The following NAALADL2 variants were observed in gnomAD, a reference collection of about 807,000 sequenced individuals.
The protein encoded by NAALADL2 is inactive N-acetylated-alpha-linked acidic dipeptidase-like protein 2.
A neutral mutation model predicts 87.2 loss-of-function variants in NAALADL2; 76 were observed. The observed-to-expected ratio is 0.87, with a 90% CI of 0.72 to 1.05. The LOEUF is 1.05. NAALADL2 is among the 50% of genes least tolerant of loss of function. The pLI, the probability that NAALADL2 is intolerant of heterozygous loss-of-function variation, is 0.00. For missense variants in NAALADL2, 1,089 were observed against 945.8 expected, an observed-to-expected ratio of 1.15 and a Z score of -1.99; for synonymous variants, 354 against 331.0, an observed-to-expected ratio of 1.07 and a Z score of -0.75.
chr3:175,475,814 C>T (rs979271106), intron 9 of NAALADL2, among the ~76,000 whole-genome samples: 3 of 152,090 alleles, frequency 2.0e-5, no homozygotes, highest in African/African-American at 7.2e-5. Flanking sequence ...AACACCTGAG[C>T]TAAAGCAATC....
intron 12 of NAALADL2, among the ~76,000 whole-genome samples, chr3:175,749,167 G>T (rs1298410527): frequency 9.2e-6 from 1 of 108,910 alleles, no homozygotes; most frequent in South Asian, 4.1e-4. Context: ...GAGGGGAAGG[G>T]AGGGGAGGAG....
intron 2 of NAALADL2, among the ~76,000 whole-genome samples, chr3:175,128,925 A>T (rs1257521845): frequency 1.3e-5 from 2 of 151,072 alleles, no homozygotes; most frequent in African/African-American, 4.9e-5. Context: ...CTAGTTACCA[A>T]TTTTTTTTTG....
intron 3 of NAALADL2, among the ~76,000 whole-genome samples, chr3:174,797,305 C>CTTTCTTTTTTTTT: frequency 1.4e-5 from 1 of 72,722 alleles, no homozygotes; most frequent in Admixed American, 1.6e-4. Flanking sequence ...TTTCTTTTTT[C>CTTTCTTTTTTTTT]TTTTTTTTTT....
intron 13 of NAALADL2, among the ~76,000 whole-genome samples, chr3:175,763,083 CAAAT>C (rs34773320): frequency 3.1e-4 from 46 of 148,816 alleles, no homozygotes; most frequent in East Asian, 3.9e-4. Flanking sequence ...GACTCTGACT[CAAAT>C]AAATAAATAA....
chr3:174,501,777 CT>C (rs1469151449), intron 1 of NAALADL2, among the ~76,000 whole-genome samples: 1 of 151,750 alleles, frequency 6.6e-6, no homozygotes, highest in African/African-American at 2.4e-5. Context: ...TAATTTATAT[CT>C]TTTTTCTTTT....
upstream of NAALADL2, among the ~76,000 whole-genome samples, chr3:174,856,449 T>G (rs762829180): frequency 3.9e-5 from 6 of 152,176 alleles, no homozygotes; most frequent in Non-Finnish European, 7.3e-5. Context: ...TGCATCATTC[T>G]GAGTGACTTG....
intron 1 of NAALADL2, among the ~76,000 whole-genome samples, chr3:174,896,330 C>G (rs371701086): frequency 3.3e-5 from 5 of 151,962 alleles, no homozygotes; most frequent in African/African-American, 7.2e-5. Context: ...AAAATTCATT[C>G]AAGTTGCAGG....
intron 10 of NAALADL2, among the ~76,000 whole-genome samples, chr3:175,588,534 CTTTTTTT>C (rs1168817019): frequency 1.3e-4 from 10 of 78,142 alleles, no homozygotes; most frequent in African/African-American, 4.1e-4. Flanking sequence ...TCTTTCTTTT[CTTTTTTT>C]TTTTTTTTTT....
In NAALADL2 at chr3:174,904,636, GCTTTCC is replaced by G. The variant is rs1471569493; in HGVS notation, c.43+45189_43+45194del. ...ACTTAAGTGGGAGAAAATTTTGCAT[GCTTTCC>G]CTGCTAGAGACCAGAAAACATAAGT... On this transcript the variant is annotated intron_variant, in intron 1 of 13. Transcript: ENST00000454872. Among the ~76,000 whole-genome samples, 7 of 151,934 alleles carry G rather than the reference GCTTTCC, an allele frequency of 4.6e-5. No individual in the cohort carries two copies. In the East Asian group the frequency reaches 1.4e-3, roughly 29 times the overall value.
At chr3:174,449,106 A>T (rs1331592732) in intron 1 of NAALADL2, among the ~76,000 whole-genome samples, 2 of 152,186 alleles carry the variant, frequency 1.3e-5, no homozygotes, top group African/African-American at 4.8e-5. Flanking sequence ...ATTATCAAGA[A>T]CTTTGATAAT....
intron 1 of NAALADL2, among the ~76,000 whole-genome samples, chr3:174,541,420 A>C (rs1457190924): frequency 6.6e-6 from 1 of 152,216 alleles, no homozygotes; most frequent in Non-Finnish European, 1.5e-5. Flanking sequence ...CTAAAAGCAC[A>C]GGTGTCAGAA....
chr3:175,762,556 C>T (rs1203748394), intron 13 of NAALADL2, among the ~76,000 whole-genome samples: 1 of 152,110 alleles, frequency 6.6e-6, no homozygotes. Flanking sequence ...ATAATGTTCT[C>T]ATTTCCAAAG....
At chr3:175,215,061 A>G (rs1033245922) in intron 2 of NAALADL2, among the ~76,000 whole-genome samples, 3 of 152,060 alleles carry the variant, frequency 2.0e-5, no homozygotes, top group African/African-American at 4.8e-5. Flanking sequence ...TTTTTTCCCA[A>G]ATGAAGTTAC....
chr3:175,038,881 G>A (rs547476556), intron 1 of NAALADL2, among the ~76,000 whole-genome samples: 39 of 152,000 alleles, frequency 2.6e-4, no homozygotes, highest in African/African-American at 8.2e-4. Flanking sequence ...TTAATATTGC[G>A]TTGGGACCAG....
At chr3:175,233,814 T>C in intron 2 of NAALADL2, 117 bp from the exon 3 acceptor site, 1 of 641,214 alleles carries the variant, frequency 1.6e-6, no homozygotes, top group Non-Finnish European at 2.7e-6. Flanking sequence ...TCCTGTCTCA[T>C]TCATCTTTCA....
At chr3:175,676,205 G>T (rs1307475030) in intron 11 of NAALADL2, 1 of 152,086 alleles carries the variant, frequency 6.6e-6, no homozygotes, top group Non-Finnish European at 1.5e-5. Context: ...GTGGTCTCTT[G>T]CAAGCACTAC....
At chr3:174,770,592 G>A (rs1234415699) in intron 3 of NAALADL2, among the ~76,000 whole-genome samples, 4 of 152,144 alleles carry the variant, frequency 2.6e-5, no homozygotes, top group Non-Finnish European at 5.9e-5. Flanking sequence ...TGTAATCCCA[G>A]CACTTTGGGA....
chr3:175,223,157 A>C (rs1472703178), intron 2 of NAALADL2, among the ~76,000 whole-genome samples: 1 of 150,526 alleles, frequency 6.6e-6, no homozygotes, highest in Non-Finnish European at 1.5e-5. Flanking sequence ...CTCTTACCAA[A>C]TTTCAAGTAA....
chr3:175,226,846 G>T (rs1418815141), intron 2 of NAALADL2, among the ~76,000 whole-genome samples: 1 of 151,952 alleles, frequency 6.6e-6, no homozygotes, highest in Admixed American at 6.6e-5. Context: ...AGTTTATCAT[G>T]TGTTTTAATC....
Sources: gnomAD v4.1 joint callset for allele counts (sites outside exome capture counted in the v4.1 genomes callset) on GRCh38, gnomAD v4.1.1 for gene constraint, MANE v1.5 for transcripts, NCBI Gene and HGNC (gene_info 2026-07-23, HGNC 2026-07-21) for gene names.